The following KIAA1958 variants were observed in gnomAD, a reference collection of about 807,000 sequenced individuals.
KIAA1958 encodes uncharacterized protein KIAA1958.
In KIAA1958, 14 loss-of-function variants were observed where a neutral mutation model predicts 47.2. The observed-to-expected ratio is 0.30, with a 90% CI of 0.20 to 0.46. The LOEUF is 0.46. Among genes scored for constraint, KIAA1958 ranks in the 20% least tolerant of loss-of-function variants. The pLI is 1.00. For synonymous variants in KIAA1958, 354 were observed against 353.3 expected, an observed-to-expected ratio of 1.00 and a Z score of -0.02; for missense variants, 803 against 909.2, an observed-to-expected ratio of 0.88 and a Z score of 1.50.
intron 2 of KIAA1958, among the ~76,000 whole-genome samples, chr9:112,600,071 G>A (rs1021670003): frequency 2.2e-4 from 33 of 152,188 alleles, no homozygotes; most frequent in Admixed American, 1.3e-3. Context: ...TGGCCGAGAC[G>A]AAAGTGCTTC....
intron 2 of KIAA1958, among the ~76,000 whole-genome samples, chr9:112,608,326 A>G (rs1437831690): frequency 6.6e-6 from 1 of 152,228 alleles, no homozygotes; most frequent in African/African-American, 2.4e-5. Flanking sequence ...CTTTGATGGT[A>G]TAACAGGTAA....
At chr9:112,635,305 C>T (rs1263926900) in intron 2 of KIAA1958, among the ~76,000 whole-genome samples, 1 of 149,464 alleles carries the variant, frequency 6.7e-6, no homozygotes, top group African/African-American at 2.5e-5. Flanking sequence ...GGCTGGAGTG[C>T]AGTGGTGCAA....
chr9:112,544,873 G>T (rs2132828398), intron 1 of KIAA1958, among the ~76,000 whole-genome samples: 1 of 152,150 alleles, frequency 6.6e-6, no homozygotes, highest in Admixed American at 6.5e-5. Flanking sequence ...CTTAGGAAAA[G>T]AAATTTTCCC....
intron 1 of KIAA1958, among the ~76,000 whole-genome samples, chr9:112,542,845 C>A (rs1487128468): frequency 6.6e-6 from 1 of 152,168 alleles, no homozygotes; most frequent in East Asian, 1.9e-4. Flanking sequence ...AGAAGGAAGG[C>A]CTGCAAGCCA....
intron 1 of KIAA1958, among the ~76,000 whole-genome samples, chr9:112,501,157 T>TC (rs928220410): frequency 1.7e-4 from 25 of 151,380 alleles, no homozygotes; most frequent in African/African-American, 6.1e-4. Flanking sequence ...CTTTTTTTTT[T>TC]CAACAAAATA....
intron 1 of KIAA1958, among the ~76,000 whole-genome samples, chr9:112,540,596 G>C (rs1834924335): frequency 6.6e-6 from 1 of 152,072 alleles, no homozygotes; most frequent in Non-Finnish European, 1.5e-5. Flanking sequence ...AAAAATTTTA[G>C]TAACACTTAA....
intron 1 of KIAA1958, among the ~76,000 whole-genome samples, chr9:112,518,935 C>T (rs1190563578): frequency 1.3e-5 from 2 of 151,164 alleles, no homozygotes; most frequent in African/African-American, 4.9e-5. Context: ...ATTTTTAGTT[C>T]GTGTTTTTTT....
intron 1 of KIAA1958, among the ~76,000 whole-genome samples, chr9:112,569,801 T>G (rs1835502370): frequency 6.6e-6 from 1 of 152,046 alleles, no homozygotes; most frequent in South Asian, 2.1e-4. Context: ...TTTTTGTATT[T>G]TTAGTAGAAA....
chr9:112,659,215 G>T, intron 3 of KIAA1958, 48 bp from the exon 4 acceptor site: 1 of 1,502,500 alleles, frequency 6.7e-7, no homozygotes. Context: ...GGAGGGGTCT[G>T]GCTGTGTGAG....
chr9:112,627,466 T>C (rs900280286), intron 2 of KIAA1958, among the ~76,000 whole-genome samples: 2 of 152,180 alleles, frequency 1.3e-5, no homozygotes, highest in African/African-American at 4.8e-5. Context: ...TTAATAACAA[T>C]ATTCAGGCTG....
chr9:112,598,657 ATAG>A (rs1177583546), intron 2 of KIAA1958, among the ~76,000 whole-genome samples: 2 of 152,302 alleles, frequency 1.3e-5, no homozygotes, highest in African/African-American at 4.8e-5. Flanking sequence ...TACTATGTTA[ATAG>A]TAGTTTTTCT....
rs555453426 is a variant in KIAA1958, at chr9:112,663,238, T to TC, written c.*3176dup. The TC allele has an allele frequency of 3.3e-5, 5 of 151,576 alleles. No individual in the cohort carries two copies. Among genetic ancestry groups the TC allele is most frequent in the Non-Finnish European group, 7.3e-5 (5 of 68,328 alleles). The allele number at this position is 151,576 out of a possible 1,614,324, so 9.4% of individuals were successfully genotyped here. A position where few individuals can be genotyped will look rare whatever the true frequency, so the allele number is the denominator to read the frequency against. On this transcript the variant is annotated 3_prime_UTR_variant, in exon 4 of 4. Transcript: ENST00000337530. ...TAAAGGGAGCCCTACTTTCTGTCTATCCCCCCCACCGCCGGCCCCCGGAAT... is the reference window on the plus strand; with the variant it reads ...TAAAGGGAGCCCTACTTTCTGTCTATCCCCCCCCACCGCCGGCCCCCGGAAT...
Position 112,517,841 on chromosome 9 carries a change from C to T in KIAA1958, c.-25+30723C>T, listed in dbSNP as rs7855846. On this transcript the variant is annotated intron_variant, in intron 1 of 3. Coordinates refer to ENST00000337530, the MANE Select transcript of KIAA1958 (RefSeq NM_133465.4). ...AAGCACACGATAAGATGTTCGATGTCATTGAAATGCAAATCAAACCAGAGT... is the reference window on the plus strand; with the variant it reads ...AAGCACACGATAAGATGTTCGATGTTATTGAAATGCAAATCAAACCAGAGT... Among the ~76,000 whole-genome samples, 1,171 of 152,266 alleles carry T rather than the reference C, an allele frequency of 7.7e-3. 23 individuals carry two copies. The highest frequency in any genetic ancestry group is 0.027 in the African/African-American group (1,121 of 41,546).
chr9:112,547,148 G>A (rs1430655011), intron 1 of KIAA1958, among the ~76,000 whole-genome samples: 2 of 151,842 alleles, frequency 1.3e-5, no homozygotes, highest in African/African-American at 2.4e-5. Context: ...AGGCCGAGGC[G>A]GGTAGATCAC....
chr9:112,606,536 C>T (rs1228165939), intron 2 of KIAA1958, among the ~76,000 whole-genome samples: 2 of 152,188 alleles, frequency 1.3e-5, no homozygotes, highest in African/African-American at 4.8e-5. Flanking sequence ...AACAATGACT[C>T]ATTCAGTTCA....
rs555975418 is a variant in KIAA1958, at chr9:112,622,803, C to G, written c.1172-22847C>G. 2.6e-5 allele frequency among the ~76,000 whole-genome samples: 4 copies of G among 152,182 alleles called. No homozygotes were observed. The South Asian group carries it at 8.3e-4, about 32-fold the overall frequency. On this transcript the variant is annotated intron_variant, in intron 2 of 3. Coordinates refer to ENST00000337530, the MANE Select transcript of KIAA1958 (RefSeq NM_133465.4). ...AATCATATGGCTTAGCTTGCAGATG[C>G]CATGAAATCAATGACTTTATTGAGA...
intron 1 of KIAA1958, among the ~76,000 whole-genome samples, chr9:112,570,230 T>C (rs1835509058): frequency 6.6e-6 from 1 of 152,240 alleles, no homozygotes; most frequent in African/African-American, 2.4e-5. Context: ...CAAGTATCTT[T>C]GGTTCAGAAG....
chr9:112,583,104 A>C (rs530219752), intron 2 of KIAA1958, among the ~76,000 whole-genome samples: 1 of 152,178 alleles, frequency 6.6e-6, no homozygotes, highest in South Asian at 2.1e-4. Context: ...AATGTTGAGC[A>C]CTCTTCCTAT....
At chr9:112,651,334 A>C (rs552769013) in intron 3 of KIAA1958, among the ~76,000 whole-genome samples, 1 of 151,098 alleles carries the variant, frequency 6.6e-6, no homozygotes, top group Non-Finnish European at 1.5e-5. Context: ...CTCTGTCCAC[A>C]ATAGAATTAA....
Sources: gnomAD v4.1 joint callset for allele counts (sites outside exome capture counted in the v4.1 genomes callset) on GRCh38, gnomAD v4.1.1 for gene constraint, MANE v1.5 for transcripts, NCBI Gene and HGNC (gene_info 2026-07-23, HGNC 2026-07-21) for gene names.